Variants in RNF41 observed in about 807,000 individuals in gnomAD.
RNF41 encodes E3 ubiquitin-protein ligase NRDP1.
In RNF41, 4 loss-of-function variants were observed where a neutral mutation model predicts 33.0. The observed-to-expected ratio is 0.12, with a 90% CI of 0.06 to 0.28. The LOEUF (loss-of-function observed/expected upper bound fraction) is 0.28. RNF41 is among the 10% of genes least tolerant of loss of function. The pLI, the probability that RNF41 is intolerant of heterozygous loss-of-function variation, is 1.00. For missense variants in RNF41, 228 were observed against 432.6 expected (o/e 0.53, Z 4.19); for synonymous variants, 164 against 153.2 (o/e 1.07, Z -0.52).
intron 3 of RNF41, 46 bp downstream of exon 3, chr12:56,213,912 C>CA (rs1868663780): frequency 6.6e-6 from 8 of 1,211,970 alleles, no homozygotes; most frequent in Non-Finnish European, 9.8e-6. Context: ...CTACTAGTTC[C>CA]ACTGCTACCT....
intron 4 of RNF41, among the ~76,000 whole-genome samples, chr12:56,209,722 G>T (rs919619205): frequency 4.6e-5 from 7 of 152,350 alleles, no homozygotes; most frequent in Admixed American, 1.3e-4. Flanking sequence ...CTCCCAAAGT[G>T]CTGGGATTAC....
At chr12:56,208,548 ATTTAT>A (rs764004968) in intron 4 of RNF41, 78 of 308,658 alleles carry the variant, frequency 2.5e-4, no homozygotes, top group Non-Finnish European at 4.0e-4. Context: ...TATTTTTTAA[ATTTAT>A]TTTATTTTGT....
chr12:56,206,494 C>G lies in RNF41; in HGVS notation c.907G>C (p.Glu303Gln), dbSNP rs375567802. Residue 303 changes from glutamate (E) to glutamine (Q), a missense_variant, in exon 7 of 7, where the codon GAG (glutamate) becomes CAG (glutamine). Glu to Gln is a conservative substitution (Grantham distance 29). Transcript: ENST00000345093. The surrounding 1 kb of genome is among the most constrained non-coding windows in gnomAD (Gnocchi z 5.7). ...GCAAATATCATGACAAGGCCTGGCTCTTGCACCATGTCATCCCCCATGTGC... is the reference window on the plus strand; with the variant it reads ...GCAAATATCATGACAAGGCCTGGCTGTTGCACCATGTCATCCCCCATGTGC... ...NQHMGDDMVQ[E>Q]PGLVMIFAHG... The G allele has an allele frequency of 1.9e-6, 3 of 1,614,054 alleles. No individual in the cohort carries two copies. The African/African-American group carries it at 4.0e-5, about 22-fold the overall frequency.
At chr12:56,213,250 G>C in intron 3 of RNF41, 1 of 651,754 alleles carries the variant, frequency 1.5e-6, no homozygotes. Flanking sequence ...ACCCAGGCTG[G>C]AGTGCAGTGG....
intron 3 of RNF41, among the ~76,000 whole-genome samples, chr12:56,210,969 G>A (rs559725015): frequency 6.6e-6 from 1 of 152,292 alleles, no homozygotes; most frequent in Admixed American, 6.5e-5. Flanking sequence ...GGCGGATCAT[G>A]AGGTCAGGAG....
At chr12:56,219,656 T>TGTACAC (rs1305680072) in intron 1 of RNF41, among the ~76,000 whole-genome samples, 1 of 92,560 alleles carries the variant, frequency 1.1e-5, no homozygotes, top group African/African-American at 3.1e-5. Flanking sequence ...TGTGTGTGTG[T>TGTACAC]ATATATGTGT....
chr12:56,213,876 TG>T, intron 3 of RNF41, 81 bp downstream of exon 3: 1 of 895,520 alleles, frequency 1.1e-6, no homozygotes, highest in Non-Finnish European at 1.9e-6. Flanking sequence ...GACTTCACCA[TG>T]GGTCCCGCTG....
At chr12:56,216,052 G>A (rs1018366865) in intron 2 of RNF41, among the ~76,000 whole-genome samples, 11 of 151,988 alleles carry the variant, frequency 7.2e-5, no homozygotes, top group African/African-American at 2.7e-4. Context: ...AACCCAGGAG[G>A]TGAAGGTTGC....
chr12:56,215,647 A>C (rs1435459662), intron 2 of RNF41, among the ~76,000 whole-genome samples: 1 of 141,240 alleles, frequency 7.1e-6, no homozygotes, highest in East Asian at 2.3e-4. Context: ...TGAACCCAGG[A>C]GGCGGAGGTT....
At chr12:56,220,041 A>ATAAG (rs961751567) in intron 1 of RNF41, among the ~76,000 whole-genome samples, 3 of 151,356 alleles carry the variant, frequency 2.0e-5, no homozygotes, top group Admixed American at 6.6e-5. Context: ...AAATAAATAA[A>ATAAG]TAAATAAATA....
intron 3 of RNF41, among the ~76,000 whole-genome samples, chr12:56,211,843 G>T (rs1369602508): frequency 6.6e-6 from 1 of 151,956 alleles, no homozygotes; most frequent in Non-Finnish European, 1.5e-5. Context: ...GTGGTGGCGG[G>T]TGCCTGTAGT....
At chr12:56,221,678 C>T (rs187103696) in intron 1 of RNF41, 82 bp downstream of exon 1, 1 of 152,424 alleles carries the variant, frequency 6.6e-6, no homozygotes, top group Admixed American at 6.5e-5. Flanking sequence ...TTTCAACCCC[C>T]CGCCCCAATA....
intron 1 of RNF41, among the ~76,000 whole-genome samples, chr12:56,217,343 C>T (rs1868982876): frequency 6.6e-6 from 1 of 151,906 alleles, no homozygotes; most frequent in East Asian, 1.9e-4. Context: ...GGTCAGGAGT[C>T]GGAGATGAGC....
chr12:56,207,948 A>G (rs1868304810), intron 5 of RNF41, among the ~76,000 whole-genome samples, 199 bp from the exon 6 acceptor site: 1 of 152,324 alleles, frequency 6.6e-6, no homozygotes, highest in African/African-American at 2.4e-5. Flanking sequence ...GAGGCATGTG[A>G]TAACTGGTAG....
intron 1 of RNF41, among the ~76,000 whole-genome samples, chr12:56,218,575 A>C (rs1401635397): frequency 6.6e-6 from 1 of 151,526 alleles, no homozygotes. Flanking sequence ...CCCCAAATCT[A>C]CACATTTAAA....
Position 56,210,520 on chromosome 12 carries a change from A to AC in RNF41, c.138dup (p.Phe47ValfsTer12), listed in dbSNP as rs1474401675. On this transcript the variant is annotated frameshift_variant, in exon 4 of 7. Coordinates refer to ENST00000345093, the MANE Select transcript of RNF41 (RefSeq NM_005785.4). LOFTEE classifies it high-confidence loss of function. Reference sequence around the variant, plus strand: ...ACTGGACATGTCTGTTGCTGAGAGAACCACTGGGTGATGCAGGCGTTGCAG... The same window carrying AC: ...ACTGGACATGTCTGTTGCTGAGAGAACCCACTGGGTGATGCAGGCGTTGCAG... 1 of 1,614,044 alleles carries AC rather than the reference A, an allele frequency of 6.2e-7. No homozygotes were observed. Among genetic ancestry groups the AC allele is most frequent in the African/African-American group, 1.3e-5 (1 of 75,046 alleles).
intron 4 of RNF41, chr12:56,209,934 C>T: frequency 3.8e-6 from 1 of 266,556 alleles, no homozygotes; most frequent in Admixed American, 4.8e-5. Flanking sequence ...TATTTCATAA[C>T]CCACAGAAAT....
chr12:56,216,829 GC>G (rs1401964595), intron 1 of RNF41, among the ~76,000 whole-genome samples: 3 of 152,142 alleles, frequency 2.0e-5, no homozygotes, highest in African/African-American at 7.2e-5. Context: ...TTTGAACATA[GC>G]TGGGAGGGGG....
chr12:56,207,600 T>A, intron 6 of RNF41, 46 bp downstream of exon 6: 2 of 1,404,850 alleles, frequency 1.4e-6, no homozygotes, highest in Non-Finnish European at 2.0e-6. Flanking sequence ...CTTTCAGGCC[T>A]TGTTGTCAGG....
Sources: gnomAD v4.1 joint callset for allele counts (sites outside exome capture counted in the v4.1 genomes callset) on GRCh38, gnomAD v4.1.1 for gene constraint, Gnocchi (gnomAD v3.1) non-coding constraint, MANE v1.5 for transcripts, NCBI Gene and HGNC (gene_info 2026-07-23, HGNC 2026-07-21) for gene names.